Variants in NDRG2 observed in about 807,000 individuals in gnomAD.
The protein encoded by NDRG2 is protein NDRG2.
A neutral mutation model predicts 58.2 loss-of-function variants in NDRG2; 34 were observed. That is an observed-to-expected ratio of 0.58 (90% CI 0.44 to 0.78). The LOEUF (loss-of-function observed/expected upper bound fraction) is 0.78, where lower values mean the gene tolerates loss of function less well. Among genes scored for constraint, NDRG2 ranks in the 30% least tolerant of loss-of-function variants. The pLI is 0.00. For missense variants in NDRG2, 434 were observed against 471.2 expected, an observed-to-expected ratio of 0.92 and a Z score of 0.73; for synonymous variants, 187 against 175.9, an observed-to-expected ratio of 1.06 and a Z score of -0.50.
At position 21,070,073 on chromosome 14, in the gene NDRG2, A is replaced by G. The variant is rs1256843979; in HGVS notation, c.24+755T>C. ...TACCCGCTGGAGGGCGGGGCGGAGA[A>G]GAAAGAAGGTTGCCGGTGAACGGGA... On this transcript the variant is annotated intron_variant, in intron 1 of 14. Coordinates refer to the NDRG2 transcript ENST00000403829. This position sits in a 1 kb window ranked among gnomAD's most constrained non-coding sequence, Gnocchi z 4.7. Among the ~76,000 whole-genome samples, 1 of 151,902 alleles carries G rather than the reference A, an allele frequency of 6.6e-6. No individual in the cohort carries two copies. The highest frequency in any genetic ancestry group is 1.5e-5 in the Non-Finnish European group (1 of 67,926).
chr14:21,031,131 T>C (rs1884081736), intron 1 of NDRG2: 2 of 1,613,970 alleles, frequency 1.2e-6, no homozygotes, highest in African/African-American at 2.7e-5. Flanking sequence ...TATGGACTCA[T>C]GGAGGGCAAA....
intron 1 of NDRG2, among the ~76,000 whole-genome samples, chr14:21,054,316 T>A (rs577413501): frequency 1.5e-5 from 2 of 137,344 alleles, no homozygotes; most frequent in East Asian, 4.2e-4. Flanking sequence ...TTTAGATAGA[T>A]TGATCACAAA....
intron 13 of NDRG2, 107 bp from the exon 14 acceptor site, chr14:21,018,346 T>C: frequency 6.2e-7 from 1 of 1,601,968 alleles, no homozygotes; most frequent in Non-Finnish European, 8.5e-7. Context: ...AGCCCCTTTG[T>C]TTTGTTCTTC....
At chr14:21,030,603 A>G (rs758842765), upstream of NDRG2, 6 of 1,613,614 alleles carry the variant, frequency 3.7e-6, no homozygotes, top group African/African-American at 8.0e-5. Context: ...GGCAGAAAAA[A>G]CATTCCATCG....
At chr14:21,045,611 G>A (rs1415902113) in intron 1 of NDRG2, among the ~76,000 whole-genome samples, 2 of 152,202 alleles carry the variant, frequency 1.3e-5, no homozygotes, top group South Asian at 4.2e-4. Flanking sequence ...CTTTATTGAT[G>A]ATCTTTCTTA....
At chr14:21,051,993 C>T (rs1195714280) in intron 1 of NDRG2, among the ~76,000 whole-genome samples, 4 of 152,184 alleles carry the variant, frequency 2.6e-5, no homozygotes, top group Non-Finnish European at 5.9e-5. Context: ...TTTCAAGGCA[C>T]CTTCAGAGTC....
In NDRG2 at chr14:21,070,392, G is replaced by T; in HGVS notation, c.24+436C>A. 1 of 1,409,814 alleles carries T rather than the reference G, an allele frequency of 7.1e-7. No homozygotes were observed. The allele number at this position is 1,409,814 out of a possible 1,614,324, so 87.3% of individuals were successfully genotyped here. On this transcript the variant is annotated intron_variant, in intron 1 of 14. Transcript: ENST00000403829. The surrounding 1 kb of genome is among the most constrained non-coding windows in gnomAD (Gnocchi z 4.7). ...CAAGCGTCGGACGCGGCCCGGCGCCGAGCCATGGTGAGTCCAGCGTCGCAG... is the reference window on the plus strand; with the variant it reads ...CAAGCGTCGGACGCGGCCCGGCGCCTAGCCATGGTGAGTCCAGCGTCGCAG...
chr14:21,049,986 A>G (rs1019711088), intron 1 of NDRG2, among the ~76,000 whole-genome samples: 1 of 152,098 alleles, frequency 6.6e-6, no homozygotes. Context: ...CATGTTGGTC[A>G]GGCTGCTCTT....
upstream of NDRG2, chr14:21,030,402 C>T (rs565841634): frequency 2.7e-5 from 17 of 628,072 alleles, no homozygotes; most frequent in Non-Finnish European, 3.9e-5. Context: ...GCTGTAGTTG[C>T]GTAGGTGCAA....
rs147666423 is a variant in NDRG2, at chr14:21,058,297, T to C, written c.24+12531A>G. The C allele has an allele frequency of 8.7e-6, 14 of 1,613,924 alleles. No homozygotes were observed. The African/African-American group carries it at 1.5e-4, about 17-fold the overall frequency. On this transcript the variant is annotated intron_variant, in intron 1 of 14. Transcript: ENST00000403829. ...CACCTTACATAGTGGCCTGTGACCC[T>C]CCACAACAGGGTGACCCAGGGTACC...
At chr14:21,068,618 G>C (rs1015977003) in intron 1 of NDRG2, among the ~76,000 whole-genome samples, 10 of 152,092 alleles carry the variant, frequency 6.6e-5, no homozygotes, top group Non-Finnish European at 1.0e-4. Context: ...TGGACACCAG[G>C]GGGTAGCAAA....
intron 1 of NDRG2, chr14:21,034,128 C>T: frequency 6.2e-7 from 1 of 1,614,192 alleles, no homozygotes; most frequent in Non-Finnish European, 8.5e-7. Context: ...GGACATCAGA[C>T]CATTACAATA....
At chr14:21,022,270 G>A in intron 4 of NDRG2, 88 bp from the exon 5 acceptor site, 1 of 1,600,314 alleles carries the variant, frequency 6.2e-7, no homozygotes, top group Non-Finnish European at 8.6e-7. Context: ...TCATGCCACA[G>A]TCAGACCAGG....
At position 21,022,956 on chromosome 14, in the gene NDRG2, C is replaced by T. The variant is rs1349153941; in HGVS notation, c.76-51G>A. 1.9e-6 allele frequency: 3 copies of T among 1,605,294 alleles called. No individual in the cohort carries two copies. The South Asian group carries it at 3.3e-5, about 18-fold the overall frequency. ...CAGAAACACATGACCATGTGGCGTC[C>T]CAGATGGAGAGACAAACAGACAAAG... On this transcript the variant is annotated intron_variant, in intron 2 of 15. Coordinates refer to ENST00000556147, the MANE Select transcript of NDRG2 (RefSeq NM_001320329.2).
At position 21,017,071 on chromosome 14, in the gene NDRG2, T is replaced by C; in HGVS notation, c.*525A>G. 1 of 451,752 alleles carries C rather than the reference T, an allele frequency of 2.2e-6. No homozygotes were observed. The highest frequency in any genetic ancestry group is 4.5e-6 in the Non-Finnish European group (1 of 223,744). The allele number at this position is 451,752 out of a possible 1,614,324, so 28.0% of individuals were successfully genotyped here. A position where few individuals can be genotyped will look rare whatever the true frequency, so the allele number is the denominator to read the frequency against. On this transcript the variant is annotated 3_prime_UTR_variant, in exon 16 of 16. Coordinates refer to ENST00000556147, the MANE Select transcript of NDRG2 (RefSeq NM_001320329.2). ...TCCAACTTCCTTTTTACACTGGATG[T>C]TTCTATCACATCCTGAGGACCACTA...
Position 21,022,085 on chromosome 14 carries a change from C to G in NDRG2, c.321G>C (p.Glu107Asp). 2 of 1,614,180 alleles carry G rather than the reference C, an allele frequency of 1.2e-6. No homozygotes were observed. The highest frequency in any genetic ancestry group is 1.7e-6 in the Non-Finnish European group (2 of 1,180,046). ...RVHVDAPGMEEGAPVFPLGYQ... is the reference protein window; with the variant it reads ...RVHVDAPGMEDGAPVFPLGYQ... ...ACCCCAAAGGGAACACAGGGGCTCC[C>G]TCTTCCATTCCAGGGGCATCCACAT... Residue 107 changes from glutamate (E) to aspartate (D), a missense_variant, in exon 5 of 16, where the codon GAG becomes GAC. By Grantham distance (45) the Glu-to-Asp change is conservative. Coordinates refer to ENST00000556147, the MANE Select transcript of NDRG2 (RefSeq NM_001320329.2).
At chr14:21,033,591 T>G (rs1884397014) in intron 1 of NDRG2, 1 of 579,358 alleles carries the variant, frequency 1.7e-6, no homozygotes, top group Non-Finnish European at 3.1e-6. Flanking sequence ...GGAAGGATGA[T>G]GAGGAGGTGG....
intron 1 of NDRG2, among the ~76,000 whole-genome samples, chr14:21,063,153 A>T (rs78258186): frequency 6.6e-6 from 1 of 151,936 alleles, no homozygotes; most frequent in Non-Finnish European, 1.5e-5. Context: ...AAGCAAAAAC[A>T]AAAAACGGAT....
At chr14:21,022,242 C>A in intron 4 of NDRG2, 60 bp from the exon 5 acceptor site, 1 of 1,611,676 alleles carries the variant, frequency 6.2e-7, no homozygotes, top group South Asian at 1.1e-5. Flanking sequence ...GTCCCCCAGT[C>A]AGAACTCACC....
Sources: allele counts gnomAD v4.1 joint callset (sites outside exome capture counted in the v4.1 genomes callset), GRCh38; gene constraint gnomAD v4.1.1; non-coding constraint Gnocchi (gnomAD v3.1); transcripts MANE v1.5; gene names NCBI Gene and HGNC (gene_info 2026-07-23, HGNC 2026-07-21).